The following PSD2 variants were observed in gnomAD, a reference collection of about 807,000 sequenced individuals.
The protein encoded by PSD2 is PH and SEC7 domain-containing protein 2.
Under a neutral mutation model 69.8 loss-of-function variants are expected in PSD2, and 38 were observed. The observed-to-expected ratio is 0.54, with a 90% CI of 0.42 to 0.71. The LOEUF is 0.71. Among genes scored for constraint, PSD2 ranks in the 30% least tolerant of loss-of-function variants. The probability of loss-of-function intolerance (pLI) is 0.00; values close to 1 mark genes in which losing one functional copy is unlikely to be tolerated. For missense variants in PSD2, 943 were observed against 1,014.5 expected, an observed-to-expected ratio of 0.93 and a Z score of 0.96; for synonymous variants, 412 against 423.0, an observed-to-expected ratio of 0.97 and a Z score of 0.32.
At chr5:139,762,543 T>C in the PSD2 span, among the ~76,000 whole-genome samples, 5 of 152,244 alleles carry the variant, frequency 3.3e-5, no homozygotes, top group African/African-American at 9.6e-5. Flanking sequence ...AGGTATCCCC[T>C]GTATTGCCCA....
At chr5:139,838,499 C>G in intron 12 of PSD2, 129 bp from the exon 13 acceptor site, 3 of 1,012,262 alleles carry the variant, frequency 3.0e-6, no homozygotes, top group Non-Finnish European at 4.4e-6. Flanking sequence ...CTCCCTCTCC[C>G]CTTTATCCAC....
In PSD2 at chr5:139,839,904, T is replaced by G; in HGVS notation, c.1969-123T>G. On this transcript the variant is annotated intron_variant, in intron 13 of 14. Coordinates refer to ENST00000274710, the MANE Select transcript of PSD2 (RefSeq NM_032289.4). The surrounding 1 kb of genome is among the most constrained non-coding windows in gnomAD (Gnocchi z 5.1). ...TCCAGAGTCTGGCTCTGTCCCCACA[T>G]TTTGGTGATGCTGGCTAGGCCTTCA... 1 of 1,058,958 alleles carries G rather than the reference T, an allele frequency of 9.4e-7. No homozygotes were observed. The highest frequency in any genetic ancestry group is 1.4e-6 in the Non-Finnish European group (1 of 711,976). The allele number at this position is 1,058,958 out of a possible 1,614,324, so 65.6% of individuals were successfully genotyped here. A position where few individuals can be genotyped will look rare whatever the true frequency, so the allele number is the denominator to read the frequency against.
At chr5:139,766,489 G>T in the PSD2 span, among the ~76,000 whole-genome samples, 1 of 152,212 alleles carries the variant, frequency 6.6e-6, no homozygotes, top group African/African-American at 2.4e-5. Flanking sequence ...TCTCTCCTCT[G>T]TGTATGGGGG....
upstream of PSD2, among the ~76,000 whole-genome samples, chr5:139,790,914 G>C (rs111360835): frequency 3.3e-5 from 5 of 151,892 alleles, no homozygotes; most frequent in South Asian, 2.1e-4. Context: ...GTGGTTGGGT[G>C]GGGGGGAGCG....
At chr5:139,828,654 T>C (rs1331452255) in intron 7 of PSD2, among the ~76,000 whole-genome samples, 2 of 152,342 alleles carry the variant, frequency 1.3e-5, no homozygotes, top group East Asian at 3.9e-4. Context: ...TGACGTCTGC[T>C]TGGCCTGCCT....
intron 4 of PSD2, among the ~76,000 whole-genome samples, chr5:139,815,995 TAAA>T (rs768724760): frequency 4.3e-5 from 4 of 92,754 alleles, no homozygotes; most frequent in South Asian, 3.7e-4. Context: ...CTCCATATAT[TAAA>T]AAAAAAAAAA....
the PSD2 span, among the ~76,000 whole-genome samples, chr5:139,776,212 C>T: frequency 6.6e-6 from 1 of 152,254 alleles, no homozygotes; most frequent in African/African-American, 2.4e-5. Context: ...GCTTCTGGGA[C>T]CCCTGCCACC....
At chr5:139,795,313 C>T (rs1759491279), upstream of PSD2, among the ~76,000 whole-genome samples, 1 of 152,126 alleles carries the variant, frequency 6.6e-6, no homozygotes, top group African/African-American at 2.4e-5. The surrounding 1 kb of genome is among the most constrained non-coding windows in gnomAD (Gnocchi z 4.5). Context: ...CCCTGCTCCT[C>T]CCTTGGCGGC....
intron 6 of PSD2, 42 bp from the exon 7 acceptor site, chr5:139,822,684 G>A (rs1454747088): frequency 1.3e-6 from 2 of 1,568,862 alleles, no homozygotes; most frequent in Non-Finnish European, 8.7e-7. Flanking sequence ...AGTGGGAAGA[G>A]GTTGGATCCT....
intron 7 of PSD2, among the ~76,000 whole-genome samples, chr5:139,830,345 C>CTTT (rs755605094): frequency 5.1e-5 from 6 of 116,570 alleles, no homozygotes; most frequent in Admixed American, 1.7e-4. Flanking sequence ...TGATAGTGTT[C>CTTT]TTTTTTTTTT....
At chr5:139,827,942 G>A (rs1731443570) in intron 7 of PSD2, among the ~76,000 whole-genome samples, 1 of 152,154 alleles carries the variant, frequency 6.6e-6, no homozygotes, top group Middle Eastern at 3.2e-3. Flanking sequence ...AGGATCAAAG[G>A]GTTGTTGGAG....
upstream of PSD2, among the ~76,000 whole-genome samples, chr5:139,792,738 C>CT (rs940834917): frequency 6.6e-6 from 1 of 151,696 alleles, no homozygotes; most frequent in African/African-American, 2.4e-5. Flanking sequence ...TTCTCTCTTT[C>CT]TTTTTTCTTT....
chr5:139,782,140 A>G, the PSD2 span, among the ~76,000 whole-genome samples: 1 of 152,130 alleles, frequency 6.6e-6, no homozygotes, highest in African/African-American at 2.4e-5. Context: ...TCTGGCCTGT[A>G]TTAGGTGCTC....
At chr5:139,836,055 T>C (rs1760709617) in intron 9 of PSD2, among the ~76,000 whole-genome samples, 1 of 152,256 alleles carries the variant, frequency 6.6e-6, no homozygotes, top group Non-Finnish European at 1.5e-5. Context: ...AGTGTTCCAA[T>C]TCCCATTGAT....
At position 139,835,750 on chromosome 5, in the gene PSD2, A is replaced by G; in HGVS notation, c.1387A>G (p.Lys463Glu). The change falls in exon 9 of 15, where the codon AAG becomes GAG. Residue 463 changes from lysine to glutamate, a missense_variant. Physicochemically the swap from Lys to Glu is moderately conservative, Grantham distance 56 (BLOSUM62 1). Around this residue, in one of 3 missense-constraint regions of PSD2, gnomAD observed 312 missense variants for 400.7 expected, o/e 0.78. Coordinates refer to ENST00000274710, the MANE Select transcript of PSD2 (RefSeq NM_032289.4). ...KTLYNSIKNE[K>E]LEWAIDEDEL... ...CCTTTACAACTCCATCAAGAATGAA[A>G]AGCTGGAATGGGCCATGTGAGTAGT... 6.2e-7 allele frequency: 1 copy of G among 1,614,052 alleles called. No individual in the cohort carries two copies. Among genetic ancestry groups the G allele is most frequent in the South Asian group, 1.1e-5 (1 of 91,070 alleles).
the PSD2 span, among the ~76,000 whole-genome samples, chr5:139,752,832 A>C: frequency 3.5e-3 from 533 of 152,232 alleles, 1 homozygote; most frequent in African/African-American, 0.012. Context: ...ACAACCTTTC[A>C]CAGGCTCTAA....
the PSD2 span, among the ~76,000 whole-genome samples, chr5:139,756,254 T>C: frequency 1.7e-3 from 254 of 151,964 alleles, 2 homozygotes; most frequent in Non-Finnish European, 3.2e-3. Context: ...CTGCCGCGCC[T>C]CCCGCCATTA....
chr5:139,806,604 T>C (rs1759813236), intron 1 of PSD2, among the ~76,000 whole-genome samples: 1 of 152,198 alleles, frequency 6.6e-6, no homozygotes, highest in South Asian at 2.1e-4. Flanking sequence ...TCAGCTTTCA[T>C]GACGTTTAGT....
At chr5:139,749,652 C>T in the PSD2 span, among the ~76,000 whole-genome samples, 6 of 152,178 alleles carry the variant, frequency 3.9e-5, no homozygotes, top group African/African-American at 1.4e-4. Flanking sequence ...TCCCCTGATC[C>T]CACATATTGG....
Sources: allele counts gnomAD v4.1 joint callset (sites outside exome capture counted in the v4.1 genomes callset), GRCh38; gene constraint gnomAD v4.1.1; regional missense constraint gnomAD v4.1.1; non-coding constraint Gnocchi (gnomAD v3.1); transcripts MANE v1.5; gene names NCBI Gene and HGNC (gene_info 2026-07-23, HGNC 2026-07-21).